ZNF804A: variants seen among roughly 807,000 people sequenced by gnomAD.
The protein encoded by ZNF804A is zinc finger protein 804A.
Under a neutral mutation model 16.5 loss-of-function variants are expected in ZNF804A, and 2 were observed. The ratio of observed to expected loss-of-function variants is 0.12; its 90% CI spans 0.05 to 0.38. The LOEUF is 0.38. Among genes scored for constraint, ZNF804A ranks in the 10% least tolerant of loss-of-function variants. ZNF804A has a pLI of 0.99. For synonymous variants in ZNF804A, 534 were observed against 489.6 expected, an observed-to-expected ratio of 1.09 and a Z score of -1.20; for missense variants, 1,473 against 1,390.7, an observed-to-expected ratio of 1.06 and a Z score of -0.94.
At chr2:184,781,460 C>T (rs1694370489) in intron 1 of ZNF804A, among the ~76,000 whole-genome samples, 1 of 151,728 alleles carries the variant, frequency 6.6e-6, no homozygotes, top group East Asian at 1.9e-4. Context: ...GATAAAGTAA[C>T]ATTTCATTAA....
intron 2 of ZNF804A, among the ~76,000 whole-genome samples, chr2:184,887,906 G>A (rs1684921649): frequency 6.6e-6 from 1 of 152,156 alleles, no homozygotes; most frequent in African/African-American, 2.4e-5. Context: ...TCACTTATAA[G>A]TGGGAGCTAA....
chr2:184,835,154 G>A (rs567156777), intron 1 of ZNF804A, among the ~76,000 whole-genome samples: 45 of 152,224 alleles, frequency 3.0e-4, no homozygotes, highest in Non-Finnish European at 5.1e-4. Flanking sequence ...ATTGGGGTTT[G>A]TACTGGGAAG....
chr2:184,908,447 A>C (rs2105830574), intron 2 of ZNF804A, among the ~76,000 whole-genome samples: 1 of 152,274 alleles, frequency 6.6e-6, no homozygotes, highest in South Asian at 2.1e-4. Flanking sequence ...TCTTCTTTTA[A>C]GGTTCTTAAA....
chr2:184,728,305 C>T (rs1693450200), intron 1 of ZNF804A, among the ~76,000 whole-genome samples: 1 of 151,756 alleles, frequency 6.6e-6, no homozygotes. Flanking sequence ...TGCAATTTCT[C>T]AATGTTATGG....
intron 1 of ZNF804A, among the ~76,000 whole-genome samples, chr2:184,804,532 C>A (rs77000659): frequency 6.6e-6 from 1 of 152,236 alleles, no homozygotes; most frequent in African/African-American, 2.4e-5. Flanking sequence ...TGCATTTTAA[C>A]AAGATCTTAA....
chr2:184,816,443 G>A (rs1024107249), intron 1 of ZNF804A, among the ~76,000 whole-genome samples: 3 of 152,042 alleles, frequency 2.0e-5, no homozygotes, highest in Non-Finnish European at 4.4e-5. Context: ...AAAGAAAGTA[G>A]TTTCTGTTTC....
chr2:184,771,414 G>A (rs1459407823), intron 1 of ZNF804A, among the ~76,000 whole-genome samples: 1 of 151,724 alleles, frequency 6.6e-6, no homozygotes, highest in Non-Finnish European at 1.5e-5. Flanking sequence ...CCACAACAGG[G>A]CCTCATCAGG....
intron 1 of ZNF804A, among the ~76,000 whole-genome samples, chr2:184,813,993 C>CTTTTTTTTTTTTTTTTTTTT (rs1163432699): frequency 4.1e-5 from 2 of 49,196 alleles, no homozygotes; most frequent in Non-Finnish European, 3.7e-5. Context: ...AGAAAGGCAG[C>CTTTTTTTTTTTTTTTTTTTT]TTTTTTTTTT....
intron 1 of ZNF804A, among the ~76,000 whole-genome samples, chr2:184,637,212 C>G (rs1315466670): frequency 1.3e-5 from 2 of 151,990 alleles, no homozygotes; most frequent in African/African-American, 4.8e-5. Flanking sequence ...TAGGTGGTTC[C>G]TTTAGAACTC....
intron 1 of ZNF804A, among the ~76,000 whole-genome samples, chr2:184,811,564 G>A (rs913487924): frequency 1.3e-5 from 2 of 151,974 alleles, no homozygotes; most frequent in Non-Finnish European, 2.9e-5. Context: ...TTTAAATATT[G>A]AAGCCAGGTG....
chr2:184,695,875 T>G (rs2105728367), intron 1 of ZNF804A, among the ~76,000 whole-genome samples: 1 of 152,348 alleles, frequency 6.6e-6, no homozygotes, highest in African/African-American at 2.4e-5. Flanking sequence ...CCTCTGCTTA[T>G]TATTTTTACA....
Position 184,936,874 on chromosome 2 carries a change from G to T in ZNF804A, c.1478G>T (p.Cys493Phe), listed in dbSNP as rs775323951. 2.5e-6 allele frequency: 4 copies of T among 1,613,368 alleles called. No individual in the cohort carries two copies. The African/African-American group carries it at 5.3e-5, about 22-fold the overall frequency. Residue 493 changes from cysteine (C) to phenylalanine (F), a missense_variant, in exon 4 of 4, where the codon TGC (cysteine) becomes TTC (phenylalanine). Coordinates refer to ENST00000302277, the MANE Select transcript of ZNF804A (RefSeq NM_194250.2). ...TCTCAGCAGAAGCAGGAAGACATTT[G>T]CATGGGACCACTTTCAGATTACAAG... ...LCSQQKQEDI[C>F]MGPLSDYKDV...
At chr2:184,834,470 C>G (rs1011801798) in intron 1 of ZNF804A, among the ~76,000 whole-genome samples, 3 of 152,022 alleles carry the variant, frequency 2.0e-5, no homozygotes, top group African/African-American at 7.2e-5. Context: ...TACCAGAATG[C>G]CATTTCTTTT....
intron 1 of ZNF804A, among the ~76,000 whole-genome samples, chr2:184,698,584 G>A (rs1351310281): frequency 6.6e-6 from 1 of 152,034 alleles, no homozygotes; most frequent in Non-Finnish European, 1.5e-5. Flanking sequence ...TGCAAATGGT[G>A]GAGGACTGTC....
At chr2:184,679,481 T>C (rs941103492) in intron 1 of ZNF804A, among the ~76,000 whole-genome samples, 2 of 152,100 alleles carry the variant, frequency 1.3e-5, no homozygotes, top group Non-Finnish European at 2.9e-5. Flanking sequence ...CCGGTGCAGC[T>C]ACTACTGCCC....
chr2:184,875,054 T>C (rs929971063), intron 2 of ZNF804A, among the ~76,000 whole-genome samples: 1 of 152,202 alleles, frequency 6.6e-6, no homozygotes, highest in Non-Finnish European at 1.5e-5. Context: ...TTATGAAAAG[T>C]CCCTATTTGG....
intron 1 of ZNF804A, among the ~76,000 whole-genome samples, chr2:184,752,729 A>G (rs1296914982): frequency 2.6e-5 from 4 of 151,734 alleles, no homozygotes; most frequent in Admixed American, 1.3e-4. Flanking sequence ...TTCAAAATAT[A>G]TAACGTTTAA....
At position 184,878,503 on chromosome 2, in the gene ZNF804A, C is replaced by T. The variant is rs530918210; in HGVS notation, c.255+11991C>T. ...GTAAGGATTTTGGTTGTCAAAAGGA[C>T]TTATAAGCCATCTCCTGGACCTCGG... On this transcript the variant is annotated intron_variant, in intron 2 of 3. Coordinates refer to ENST00000302277, the MANE Select transcript of ZNF804A (RefSeq NM_194250.2). Among the ~76,000 whole-genome samples the T allele has an allele frequency of 1.4e-4, 22 of 152,118 alleles. 1 individual carries two copies. Among genetic ancestry groups the T allele is most frequent in the African/African-American group, 4.1e-4 (17 of 41,534 alleles).
intron 1 of ZNF804A, among the ~76,000 whole-genome samples, chr2:184,769,992 A>G (rs932932966): frequency 3.3e-5 from 5 of 152,108 alleles, no homozygotes; most frequent in African/African-American, 4.8e-5. Flanking sequence ...TTTTAAAGTT[A>G]TAATTTTGAG....
Sources: gnomAD v4.1 joint callset for allele counts (sites outside exome capture counted in the v4.1 genomes callset) on GRCh38, gnomAD v4.1.1 for gene constraint, MANE v1.5 for transcripts, NCBI Gene and HGNC (gene_info 2026-07-23, HGNC 2026-07-21) for gene names.